The following HSPA9 variants were observed in gnomAD, a reference collection of about 807,000 sequenced individuals.
HSPA9 encodes the protein stress-70 protein, mitochondrial.
In HSPA9, 28 loss-of-function variants were observed where a neutral mutation model predicts 81.5. The observed-to-expected ratio is 0.34, with a 90% CI of 0.25 to 0.47. HSPA9 has a LOEUF of 0.47. Among genes scored for constraint, HSPA9 ranks in the 20% least tolerant of loss-of-function variants. HSPA9 has a pLI of 1.00. For missense variants in HSPA9, 678 were observed against 838.0 expected (o/e 0.81, Z 2.36); for synonymous variants, 293 against 290.4 (o/e 1.01, Z -0.09).
intron 1 of HSPA9, chr5:138,574,758 A>G (rs1376530793): frequency 5.9e-6 from 1 of 168,344 alleles, no homozygotes; most frequent in Non-Finnish European, 1.3e-5. Context: ...GTAACAAACG[A>G]GTACAATCTT....
At chr5:138,574,759 G>A (rs1196174682) in intron 1 of HSPA9, 1 of 168,398 alleles carries the variant, frequency 5.9e-6, no homozygotes, top group Non-Finnish European at 1.3e-5. Flanking sequence ...TAACAAACGA[G>A]TACAATCTTA....
chr5:138,567,004 T>C lies in HSPA9; in HGVS notation c.876A>G (p.Arg292=), dbSNP rs1750782464. ...ATTAACCACATTGGTAACTCACCTC[T>C]CTCTTGAACTCCTTCACAATGTGCC... ...LLRHIVKEFK[R]ETGVDLTKDN... The change falls in exon 8 of 17, where the codon AGA becomes AGG. Residue 292 remains arginine (R), a synonymous_variant. Coordinates refer to ENST00000297185, the MANE Select transcript of HSPA9 (RefSeq NM_004134.7). The C allele has an allele frequency of 6.2e-7, 1 of 1,612,660 alleles. No homozygotes were observed. Among genetic ancestry groups the C allele is most frequent in the Non-Finnish European group, 8.5e-7 (1 of 1,179,876 alleles).
At chr5:138,560,885 C>T (rs1352278218) in intron 10 of HSPA9, 1 of 417,804 alleles carries the variant, frequency 2.4e-6, no homozygotes, top group East Asian at 7.1e-5. Flanking sequence ...CCACCTGGTC[C>T]AGGACCTTTT....
intron 13 of HSPA9, 100 bp downstream of exon 13, chr5:138,557,769 C>G (rs561726305): frequency 8.4e-6 from 7 of 832,426 alleles, no homozygotes; most frequent in East Asian, 2.4e-5. Context: ...ACAAGTAAAT[C>G]TGATAACTGA....
At chr5:138,556,686 C>A in intron 15 of HSPA9, 88 bp downstream of exon 15, 6 of 1,553,866 alleles carry the variant, frequency 3.9e-6, no homozygotes, top group South Asian at 2.2e-5. Context: ...AATAATTAAA[C>A]CCCTATCAAA....
intron 5 of HSPA9, among the ~76,000 whole-genome samples, chr5:138,568,701 C>T (rs1429031711): frequency 1.3e-5 from 2 of 151,522 alleles, no homozygotes; most frequent in African/African-American, 2.4e-5. Context: ...AGAACATTAC[C>T]CCCTACTGGA....
In HSPA9 at chr5:138,569,900, T is replaced by C. The variant is rs570994623; in HGVS notation, c.411-851A>G. On this transcript the variant is annotated intron_variant, in intron 4 of 16. Transcript: ENST00000297185. Reference sequence around the variant, plus strand: ...GAAACTCTACCTATGCTTCTAGTTTTTTTTTTTTTTGAGACAGGGTTTCAC... The same window carrying C: ...GAAACTCTACCTATGCTTCTAGTTTCTTTTTTTTTTGAGACAGGGTTTCAC... Among the ~76,000 whole-genome samples, 434 of 151,738 alleles carry C rather than the reference T, an allele frequency of 2.9e-3. 5 individuals carry two copies. The highest frequency in any genetic ancestry group is 9.8e-3 in the African/African-American group (408 of 41,422).
At chr5:138,556,719 C>T (rs1033335654) in intron 15 of HSPA9, 55 bp downstream of exon 15, 3 of 1,560,752 alleles carry the variant, frequency 1.9e-6, no homozygotes, top group African/African-American at 2.7e-5. Context: ...ATAAACTTCA[C>T]TGGCATTGGT....
Position 138,556,461 on chromosome 5 carries a change from T to G in HSPA9, c.1953A>C (p.Ala651=), listed in dbSNP as rs1354394969. 1 of 1,613,804 alleles carries G rather than the reference T, an allele frequency of 6.2e-7. No homozygotes were observed. The highest frequency in any genetic ancestry group is 1.1e-5 in the South Asian group (1 of 91,080). Residue 651 remains alanine (A), a synonymous_variant, in exon 16 of 17, where the codon GCA becomes GCC. Coordinates refer to ENST00000297185, the MANE Select transcript of HSPA9 (RefSeq NM_004134.7). ...QQASLKLFEM[A]YKKMASEREG... is the part of the protein sequence containing the mutation. Reference sequence around the variant, plus strand: ...ACTTCAGCCCTTGTACCTTTTTGTATGCCATTTCGAACAGCTTCAGTGATG... The same window carrying G: ...ACTTCAGCCCTTGTACCTTTTTGTAGGCCATTTCGAACAGCTTCAGTGATG...
In HSPA9 at chr5:138,567,124, A is replaced by C. The variant is rs1356087653; in HGVS notation, c.756T>G (p.Ile252Met). ...VYDLGGGTFD[I>M]SILEIQKGVF... ...CTCCTTTCTGAATTTCCAGGATAGA[A>C]ATATCAAAAGTTCCACCACCTAAAT... is the stretch of plus-strand genomic sequence containing the variant. The change falls in exon 8 of 17, where the codon ATT becomes ATG. Residue 252 changes from isoleucine to methionine, a missense_variant. By Grantham distance (10) the Ile-to-Met change is conservative. This residue lies in a region of HSPA9 where 484 missense variants were observed against 647.5 expected (regional missense o/e 0.75). Coordinates refer to ENST00000297185, the MANE Select transcript of HSPA9 (RefSeq NM_004134.7). 3 of 1,613,820 alleles carry C rather than the reference A, an allele frequency of 1.9e-6. No homozygotes were observed. Among genetic ancestry groups the C allele is most frequent in the Non-Finnish European group, 2.5e-6 (3 of 1,179,734 alleles).
rs905734629 is a variant in HSPA9 at position 138,575,384 on chromosome 5, G to C, written c.-66C>G. 5 of 1,373,592 alleles carry C rather than the reference G, an allele frequency of 3.6e-6. No homozygotes were observed. In the South Asian group the frequency reaches 4.8e-5, roughly 13 times the overall value. 85.1% of individuals were successfully genotyped at this position (1,373,592 alleles called of 1,614,324 possible). On this transcript the variant is annotated 5_prime_UTR_variant, in exon 1 of 17. Transcript: ENST00000297185. ...CCGACGGCAAAGAGCTGCGCGATGC[G>C]GTGGCGGCAGCGCTTCTGGAAACCT...
At chr5:138,557,329 G>A (rs183501650) in intron 14 of HSPA9, 73 bp downstream of exon 14, 207 of 1,015,718 alleles carry the variant, frequency 2.0e-4, no homozygotes, top group Admixed American at 1.2e-3. Context: ...GAGACACTGC[G>A]CCCAGCCCCA....
chr5:138,559,910 G>GT lies in HSPA9; in HGVS notation c.1363dup (p.Thr455AsnfsTer5). ...AGTGGTATTCCTATTAATAAGTTTG[G>GT]TAAAGACACCTCCTAGAGTTTCAAT... On this transcript the variant is annotated frameshift_variant, in exon 11 of 17. Transcript: ENST00000297185. LOFTEE classifies it high-confidence loss of function. 1.2e-6 allele frequency: 2 copies of GT among 1,614,004 alleles called. No individual in the cohort carries two copies. Among genetic ancestry groups the GT allele is most frequent in the Non-Finnish European group, 1.7e-6 (2 of 1,179,934 alleles).
At chr5:138,565,375 T>TA (rs113207434) in intron 9 of HSPA9, among the ~76,000 whole-genome samples, 69 of 148,738 alleles carry the variant, frequency 4.6e-4, no homozygotes, top group African/African-American at 1.3e-3. Flanking sequence ...CACAGCCACT[T>TA]AAAAAAAAAA....
intron 10 of HSPA9, chr5:138,560,904 GTTCA>G (rs1440474333): frequency 2.6e-6 from 1 of 378,336 alleles, no homozygotes; most frequent in African/African-American, 2.7e-5. Context: ...TTTTTTCCAG[GTTCA>G]TTTTTTTTTT....
rs952535222 is a variant in HSPA9 at position 138,554,009 on chromosome 5, C to A, written c.*2028G>T. Among the ~76,000 whole-genome samples the A allele has an allele frequency of 6.6e-6, 1 of 152,222 alleles. No individual in the cohort carries two copies. Among genetic ancestry groups the A allele is most frequent in the Non-Finnish European group, 1.5e-5 (1 of 68,048 alleles). On this transcript the variant is annotated 3_prime_UTR_variant, in exon 17 of 17. Coordinates refer to ENST00000297185, the MANE Select transcript of HSPA9 (RefSeq NM_004134.7). ...ACTGAAATTTTACCCCAACAGCTTT[C>A]CCAGCAGTGGACTGTGGGTGGGACC...
At position 138,575,287 on chromosome 5, in the gene HSPA9, C is replaced by T. The variant is rs772593140; in HGVS notation, c.32G>A (p.Arg11His). 1.7e-5 allele frequency: 27 copies of T among 1,611,876 alleles called. No homozygotes were observed. The highest frequency in any genetic ancestry group is 2.2e-5 in the East Asian group (1 of 44,840). Residue 11 changes from arginine (R) to histidine (H), a missense_variant, in exon 1 of 17, where the codon CGT becomes CAT. Around this residue, in one of 4 missense-constraint regions of HSPA9, gnomAD observed 89 missense variants for 70.4 expected, o/e 1.27. Coordinates refer to ENST00000297185, the MANE Select transcript of HSPA9 (RefSeq NM_004134.7). ...CCGGGAGGCTGCGGCGCCCACGAGA[C>T]GGGCTGCTGCAGCTCGGCTGGCACT... MISASRAAAARLVGAAASRGP... is the reference protein window; with the variant it reads MISASRAAAAHLVGAAASRGP...
intron 2 of HSPA9, 93 bp downstream of exon 2, chr5:138,573,971 GATAA>G (rs1210586800): frequency 1.3e-5 from 16 of 1,247,094 alleles, no homozygotes; most frequent in African/African-American, 9.6e-5. Flanking sequence ...AATAAATACA[GATAA>G]ATAATTACAG....
intron 16 of HSPA9, 69 bp from the exon 17 acceptor site, chr5:138,556,183 T>TC: frequency 7.6e-7 from 1 of 1,321,460 alleles, no homozygotes; most frequent in South Asian, 1.2e-5. Flanking sequence ...TTTGTTGCAC[T>TC]CCAAGATGAG....
Sources: allele counts gnomAD v4.1 joint callset (sites outside exome capture counted in the v4.1 genomes callset), GRCh38; gene constraint gnomAD v4.1.1; regional missense constraint gnomAD v4.1.1; transcripts MANE v1.5; gene names NCBI Gene and HGNC (gene_info 2026-07-23, HGNC 2026-07-21).